Variants in MRI1 observed in about 807,000 individuals in gnomAD.
MRI1 encodes methylthioribose-1-phosphate isomerase 1.
In MRI1, 32 loss-of-function variants were observed where a neutral mutation model predicts 27.3. That is an observed-to-expected ratio of 1.17 (90% CI 0.88 to 1.57). The LOEUF (loss-of-function observed/expected upper bound fraction) is 1.57. MRI1 is among the 40% of genes most tolerant of loss of function. MRI1 has a pLI of 0.00. For synonymous variants in MRI1, 216 were observed against 227.4 expected, an observed-to-expected ratio of 0.95 and a Z score of 0.45; for missense variants, 508 against 516.1, an observed-to-expected ratio of 0.98 and a Z score of 0.15.
Position 13,764,617 on chromosome 19 carries a change from G to C in MRI1, c.29G>C (p.Arg10Pro), listed in dbSNP as rs200080715. Residue 10 changes from arginine to proline, a missense_variant, in exon 1 of 6, where the codon CGG becomes CCG. Physicochemically the swap from Arg to Pro is moderately radical, Grantham distance 103. This residue lies in a region of MRI1 where 32 missense variants were observed against 20.2 expected (regional missense o/e 1.58). Coordinates refer to ENST00000040663, the MANE Select transcript of MRI1 (RefSeq NM_001031727.4). ...ACCCTGGAGGCGATCCGCTACTCGC[G>C]GGGCTCCCTGCAGATCCTAGACCAG... MTLEAIRYSRGSLQILDQLL... is the reference protein window; with the variant it reads MTLEAIRYSPGSLQILDQLL... The C allele has an allele frequency of 6.8e-6, 11 of 1,609,530 alleles. No individual in the cohort carries two copies. Among genetic ancestry groups the C allele is most frequent in the Middle Eastern group, 1.8e-4 (1 of 5,524 alleles).
chr19:13,766,578 T>C (rs1292428853), intron 3 of MRI1, among the ~76,000 whole-genome samples: 1 of 151,832 alleles, frequency 6.6e-6, no homozygotes, highest in Non-Finnish European at 1.5e-5. Context: ...CAGAGAAAGA[T>C]TAGGTAGCTG....
At chr19:13,766,998 T>G (rs1974138399) in intron 3 of MRI1, among the ~76,000 whole-genome samples, 1 of 138,638 alleles carries the variant, frequency 7.2e-6, no homozygotes, top group African/African-American at 2.6e-5. Context: ...GCATGACCTA[T>G]GCACATCCAC....
chr19:13,764,550 T>A lies in MRI1; in HGVS notation c.-39T>A, dbSNP rs767127949. The stretch of plus-strand genomic sequence containing the variant: ...CCGCTCCCAAGTGCGCGCGGACCCC[T>A]AGCTCCCTCTGAGTTGCGCTGGGCT... On this transcript the variant is annotated 5_prime_UTR_variant, in exon 1 of 6. Coordinates refer to ENST00000040663, the MANE Select transcript of MRI1 (RefSeq NM_001031727.4). 3.1e-6 allele frequency: 5 copies of A among 1,593,348 alleles called. No homozygotes were observed. Among genetic ancestry groups the A allele is most frequent in the African/African-American group, 2.7e-5 (2 of 74,410 alleles).
intron 5 of MRI1, among the ~76,000 whole-genome samples, chr19:13,771,812 G>A (rs575670937): frequency 2.6e-5 from 4 of 151,944 alleles, no homozygotes; most frequent in Non-Finnish European, 4.4e-5. Context: ...AACCAAGATC[G>A]TGCCATTGCA....
At chr19:13,766,690 T>G (rs16979326) in intron 3 of MRI1, among the ~76,000 whole-genome samples, 2 of 152,048 alleles carry the variant, frequency 1.3e-5, no homozygotes, top group African/African-American at 4.8e-5. Context: ...GAGTCCCACC[T>G]TCATCCCTGG....
intron 3 of MRI1, among the ~76,000 whole-genome samples, chr19:13,767,891 CAG>C (rs1253600099): frequency 3.4e-4 from 17 of 49,848 alleles, no homozygotes; most frequent in Non-Finnish European, 4.5e-4. Context: ...TTTTTTGAGA[CAG>C]AGTCTTGCAC....
rs1974290947 is a variant in MRI1 at position 13,772,548 on chromosome 19, G to T, written c.*267G>T. On this transcript the variant is annotated 3_prime_UTR_variant, in exon 6 of 6. Transcript: ENST00000040663. Reference sequence around the variant, plus strand: ...CTCATTTATAAAATGTGGATAACAGGCCGGGCGCAGTGGCTCACACCTGTA... The same window carrying T: ...CTCATTTATAAAATGTGGATAACAGTCCGGGCGCAGTGGCTCACACCTGTA... 3.2e-6 allele frequency: 1 copy of T among 308,054 alleles called. No homozygotes were observed. Among genetic ancestry groups the T allele is most frequent in the East Asian group, 6.7e-5 (1 of 14,934 alleles). The allele number at this position is 308,054 out of a possible 1,614,324, so 19.1% of individuals were successfully genotyped here. A position where few individuals can be genotyped will look rare whatever the true frequency, so the allele number is the denominator to read the frequency against.
intron 3 of MRI1, among the ~76,000 whole-genome samples, chr19:13,766,460 G>A (rs1318735722): frequency 6.6e-6 from 1 of 152,112 alleles, no homozygotes; most frequent in Non-Finnish European, 1.5e-5. Context: ...GGTCCACTAG[G>A]GCACCTGCCC....
In MRI1 at chr19:13,772,209, TGAGGAGCTCCG is replaced by T. The variant is rs1260412188; in HGVS notation, c.1041_1051del (p.Glu347AspfsTer31). 1.9e-6 allele frequency: 3 copies of T among 1,613,910 alleles called. No individual in the cohort carries two copies. Among genetic ancestry groups the T allele is most frequent in the Non-Finnish European group, 1.7e-6 (2 of 1,179,980 alleles). ...TCACAGAACTGGGGGTCTTTGCCCC[TGAGGAGCTCCG>T]GACAGCCCTAACCACCACCATCTCT... On this transcript the variant is annotated frameshift_variant, in exon 6 of 6. Coordinates refer to ENST00000040663, the MANE Select transcript of MRI1 (RefSeq NM_001031727.4). LOFTEE classifies it low-confidence loss of function (END_TRUNC).
rs772027126 is a variant in MRI1, at chr19:13,772,307, T to C, written c.*26T>C. On this transcript the variant is annotated 3_prime_UTR_variant, in exon 6 of 6. Coordinates refer to ENST00000040663, the MANE Select transcript of MRI1 (RefSeq NM_001031727.4). ...CCAACTCAGCTCTCCCTAGCCTGCCTCTCTAGGTTTTTCAATACATTTCTT... is the reference window on the plus strand; with the variant it reads ...CCAACTCAGCTCTCCCTAGCCTGCCCCTCTAGGTTTTTCAATACATTTCTT... The C allele has an allele frequency of 1.3e-6, 2 of 1,594,924 alleles. No homozygotes were observed. Among genetic ancestry groups the C allele is most frequent in the Non-Finnish European group, 1.7e-6 (2 of 1,169,614 alleles).
At position 13,765,101 on chromosome 19, in the gene MRI1, C is replaced by A. The variant is rs1974091083; in HGVS notation, c.363C>A (p.Val121=). The change falls in exon 2 of 6, where the codon GTC becomes GTA. Residue 121 remains valine (V), a synonymous_variant. Transcript: ENST00000040663. ...AEREGATEEA[V]RERVICCTED... ...GGGAGGGCGCTACGGAAGAGGCGGT[C>A]CGGGAGAGGTACGGGGATCTGGTAC... is the stretch of plus-strand genomic sequence containing the variant. 6.5e-7 allele frequency: 1 copy of A among 1,532,330 alleles called. No homozygotes were observed. The highest frequency in any genetic ancestry group is 8.7e-7 in the Non-Finnish European group (1 of 1,144,692). 94.9% of individuals were successfully genotyped at this position (1,532,330 alleles called of 1,614,324 possible). A position where few individuals can be genotyped will look rare whatever the true frequency, so the allele number is the denominator to read the frequency against.
At position 13,768,811 on chromosome 19, in the gene MRI1, G is replaced by A. The variant is rs768572620; in HGVS notation, c.725-13G>A. The A allele has an allele frequency of 6.6e-5, 106 of 1,594,694 alleles. No individual in the cohort carries two copies. Among genetic ancestry groups the A allele is most frequent in the Admixed American group, 3.4e-4 (20 of 59,254 alleles). On this transcript the variant is annotated splice_polypyrimidine_tract_variant and intron_variant, in intron 4 of 5. Coordinates refer to ENST00000040663, the MANE Select transcript of MRI1 (RefSeq NM_001031727.4). ...GGTAATGACCCCCAACTTCTCATAC[G>A]CCCCCTCCCCAGCTGTGGTCGTGGG...
chr19:13,767,029 ATATATATATTTTTTT>A (rs1340388418), intron 3 of MRI1, among the ~76,000 whole-genome samples: 1 of 42,242 alleles, frequency 2.4e-5, no homozygotes, highest in Non-Finnish European at 5.7e-5. Flanking sequence ...ATATATATAT[ATATATATATTTTTTT>A]TTTTTTTTTT....
Position 13,772,616 on chromosome 19 carries a change from C to G in MRI1, c.*335C>G, listed in dbSNP as rs1974293140. On this transcript the variant is annotated 3_prime_UTR_variant, in exon 6 of 6. Transcript: ENST00000040663. ...GGCCGAGGCAGGTGGATCACAAGAT[C>G]AGGAGATTGAGACCATCCTGGCTAA... The G allele has an allele frequency of 5.9e-6, 1 of 168,664 alleles. No individual in the cohort carries two copies. The highest frequency in any genetic ancestry group is 6.3e-5 in the Admixed American group (1 of 15,954). 10.4% of individuals were successfully genotyped at this position (168,664 alleles called of 1,614,324 possible).
intron 5 of MRI1, among the ~76,000 whole-genome samples, chr19:13,769,614 A>T (rs1230410911): frequency 1.3e-5 from 2 of 152,106 alleles, no homozygotes; most frequent in South Asian, 2.1e-4. Context: ...CTGGCTGGCC[A>T]CGTGTTTGTA....
At chr19:13,769,145 A>G in intron 5 of MRI1, 97 bp downstream of exon 5, 1 of 975,086 alleles carries the variant, frequency 1.0e-6, no homozygotes, top group Non-Finnish European at 1.5e-6. Context: ...GAACATACAC[A>G]GCTCCTACAA....
intron 5 of MRI1, among the ~76,000 whole-genome samples, chr19:13,771,748 C>T (rs1019506854): frequency 4.0e-5 from 6 of 150,976 alleles, no homozygotes; most frequent in Non-Finnish European, 5.9e-5. Context: ...CCCAGCTACT[C>T]GGGAGGCTGA....
chr19:13,765,650 GC>G (rs1974105819), intron 2 of MRI1, among the ~76,000 whole-genome samples: 1 of 152,198 alleles, frequency 6.6e-6, no homozygotes, highest in East Asian at 1.9e-4. Flanking sequence ...GCCTGATTCT[GC>G]CGGCTTTTCC....
intron 3 of MRI1, chr19:13,768,259 A>G: frequency 4.1e-6 from 3 of 731,006 alleles, no homozygotes; most frequent in Non-Finnish European, 7.3e-6. Flanking sequence ...AGAAGGTGAT[A>G]AATGCTAAGG....
Sources: allele counts gnomAD v4.1 joint callset (sites outside exome capture counted in the v4.1 genomes callset), GRCh38; gene constraint gnomAD v4.1.1; regional missense constraint gnomAD v4.1.1; transcripts MANE v1.5; gene names NCBI Gene and HGNC (gene_info 2026-07-23, HGNC 2026-07-21).